The following DIP2C variants were observed in gnomAD, a reference collection of about 807,000 sequenced individuals.
DIP2C encodes disco-interacting protein 2 homolog C.
Under a neutral mutation model 192.4 loss-of-function variants are expected in DIP2C, and 33 were observed. The ratio of observed to expected loss-of-function variants is 0.17; its 90% CI spans 0.13 to 0.23. The LOEUF is 0.23. Among genes scored for constraint, DIP2C ranks in the 10% least tolerant of loss-of-function variants. The probability of loss-of-function intolerance (pLI) is 1.00; values close to 1 mark genes in which losing one functional copy is unlikely to be tolerated. For missense variants in DIP2C, 1,537 were observed against 2,110.1 expected (o/e 0.73, Z 5.32); for synonymous variants, 979 against 864.1 (o/e 1.13, Z -2.33).
At chr10:589,126 G>A (rs139913442) in intron 1 of DIP2C, among the ~76,000 whole-genome samples, 7 of 152,168 alleles carry the variant, frequency 4.6e-5, no homozygotes, top group Admixed American at 2.6e-4. Context: ...CACCCTCCCC[G>A]TCCTTCTCGA....
At chr10:599,639 A>G (rs1851929328) in intron 1 of DIP2C, among the ~76,000 whole-genome samples, 1 of 152,200 alleles carries the variant, frequency 6.6e-6, no homozygotes, top group African/African-American at 2.4e-5. Context: ...CCTTCCAGGT[A>G]ACCCAGCACC....
intron 1 of DIP2C, among the ~76,000 whole-genome samples, chr10:549,270 C>T (rs1848467194): frequency 6.6e-6 from 1 of 152,164 alleles, no homozygotes; most frequent in African/African-American, 2.4e-5. Flanking sequence ...TTGCCTCCAA[C>T]ACCCAGGAAA....
In DIP2C at chr10:357,875, T is replaced by C; in HGVS notation, c.2857A>G (p.Ser953Gly). The C allele has an allele frequency of 6.2e-7, 1 of 1,612,788 alleles. No individual in the cohort carries two copies. The highest frequency in any genetic ancestry group is 8.5e-7 in the Non-Finnish European group (1 of 1,179,922). ...LVSGKRIAQASGRDLGQIEDN... is the reference protein window; with the variant it reads ...LVSGKRIAQAGGRDLGQIEDN... Reference sequence around the variant, plus strand: ...TCGATCTGACCCAGGTCTCTGCCACTGGCCTGGGCGATTCTCTTCCCAGAG... The same window carrying C: ...TCGATCTGACCCAGGTCTCTGCCACCGGCCTGGGCGATTCTCTTCCCAGAG... Residue 953 changes from serine to glycine, a missense_variant, in exon 23 of 37, where the codon AGT becomes GGT. Around this residue, in one of 4 missense-constraint regions of DIP2C, gnomAD observed 677 missense variants for 989.9 expected, o/e 0.68. Transcript: ENST00000280886.
At chr10:362,234 G>C (rs1227177743) in intron 22 of DIP2C, among the ~76,000 whole-genome samples, 1 of 152,200 alleles carries the variant, frequency 6.6e-6, no homozygotes, top group Non-Finnish European at 1.5e-5. Context: ...TGCTACGGGA[G>C]AACAGAGCCA....
At chr10:612,702 G>A (rs998221504) in intron 1 of DIP2C, among the ~76,000 whole-genome samples, 8 of 152,138 alleles carry the variant, frequency 5.3e-5, no homozygotes, top group African/African-American at 9.6e-5. Flanking sequence ...TTACTCCGCC[G>A]ACTGTGTCTA....
At chr10:520,858 G>C (rs960346893) in intron 1 of DIP2C, among the ~76,000 whole-genome samples, 5 of 152,140 alleles carry the variant, frequency 3.3e-5, no homozygotes, top group African/African-American at 9.7e-5. Context: ...GCATGTTCAT[G>C]GATATGTGTT....
At position 376,310 on chromosome 10, in the gene DIP2C, C is replaced by A. The variant is rs574716841; in HGVS notation, c.1991+6337G>T. On this transcript the variant is annotated intron_variant, in intron 17 of 36. Coordinates refer to ENST00000280886, the MANE Select transcript of DIP2C (RefSeq NM_014974.3). ...CCACCTCGGCCCCCGACGGAGCCGG[C>A]AGGGAGAAGGACCCAGGCCCACCTC... Among the ~76,000 whole-genome samples the A allele has an allele frequency of 2.0e-5, 3 of 152,080 alleles. No individual in the cohort carries two copies. The East Asian group carries it at 5.8e-4, about 29-fold the overall frequency.
intron 19 of DIP2C, 119 bp downstream of exon 19, chr10:366,156 T>C (rs1294789205): frequency 2.1e-6 from 3 of 1,415,378 alleles, no homozygotes; most frequent in African/African-American, 1.4e-5. Flanking sequence ...TTTTCATTCA[T>C]ATAAACACGT....
At chr10:386,998 AAC>A (rs1028310033) in intron 14 of DIP2C, among the ~76,000 whole-genome samples, 11 of 152,144 alleles carry the variant, frequency 7.2e-5, no homozygotes, top group African/African-American at 2.4e-4. Context: ...GTTTCCCTAC[AAC>A]ACACACAGAC....
At chr10:555,389 C>A (rs1402090870) in intron 1 of DIP2C, among the ~76,000 whole-genome samples, 2 of 152,174 alleles carry the variant, frequency 1.3e-5, no homozygotes, top group Admixed American at 6.5e-5. Context: ...AACCGAACTT[C>A]ATTAACGGTG....
chr10:390,792 G>A lies in DIP2C; in HGVS notation c.1332C>T (p.Ala444=). The A allele has an allele frequency of 1.2e-6, 2 of 1,614,142 alleles. No homozygotes were observed. Among genetic ancestry groups the A allele is most frequent in the South Asian group, 2.2e-5 (2 of 91,080 alleles). ...CGVTVALTSD[A]CHKGLPKSPT... is the part of the protein sequence containing the mutation. ...GGCTTTTTGGAAGTCCTTTATGGCA[G>A]GCGTCACTAGTCAAGGCTACAGTAA... is the stretch of plus-strand genomic sequence containing the variant. The change falls in exon 11 of 37, where the codon GCC becomes GCT. Residue 444 remains alanine (A), a synonymous_variant. Coordinates refer to ENST00000280886, the MANE Select transcript of DIP2C (RefSeq NM_014974.3).
At chr10:534,701 G>A (rs1013317860) in intron 1 of DIP2C, among the ~76,000 whole-genome samples, 30 of 144,316 alleles carry the variant, frequency 2.1e-4, no homozygotes, top group East Asian at 1.2e-3. Flanking sequence ...ACGGAGTCTC[G>A]CTCTGTCGCC....
chr10:409,410 TCTC>T (rs1245014108), intron 8 of DIP2C, among the ~76,000 whole-genome samples: 2 of 151,980 alleles, frequency 1.3e-5, no homozygotes, highest in African/African-American at 4.8e-5. Context: ...CTGAGAACCT[TCTC>T]CTAGCAGATC....
At chr10:510,339 C>T (rs1845927825) in intron 1 of DIP2C, among the ~76,000 whole-genome samples, 1 of 152,212 alleles carries the variant, frequency 6.6e-6, no homozygotes, top group Admixed American at 6.5e-5. Context: ...CCTAGGGTCT[C>T]AGGGGCTGGG....
chr10:452,983 A>G (rs1968977961), intron 3 of DIP2C, among the ~76,000 whole-genome samples: 1 of 152,238 alleles, frequency 6.6e-6, no homozygotes, highest in South Asian at 2.1e-4. Context: ...ACAGTGCTGG[A>G]AAGGGTATGA....
chr10:535,051 G>C (rs1847621649), intron 1 of DIP2C, among the ~76,000 whole-genome samples: 1 of 152,182 alleles, frequency 6.6e-6, no homozygotes, highest in Admixed American at 6.5e-5. Context: ...CCTGGGTTGA[G>C]GGGAGGCAGG....
rs541502358 is a variant in DIP2C, at chr10:312,795, A to G, written c.3925-2703T>C. 7.9e-5 allele frequency among the ~76,000 whole-genome samples: 12 copies of G among 152,344 alleles called. No homozygotes were observed. In the South Asian group the frequency reaches 2.5e-3, roughly 32 times the overall value. On this transcript the variant is annotated intron_variant, in intron 31 of 36. Coordinates refer to ENST00000280886, the MANE Select transcript of DIP2C (RefSeq NM_014974.3). ...AACACATAGTGGACCTTTACTGAAT[A>G]TATTTGAGCTGAATGCAATGATTTA...
chr10:613,607 TTGGGA>T (rs1243161820), intron 1 of DIP2C, among the ~76,000 whole-genome samples: 1 of 152,236 alleles, frequency 6.6e-6, no homozygotes, highest in Non-Finnish European at 1.5e-5. Flanking sequence ...TTCATGGTAA[TTGGGA>T]TGGGGACTTA....
chr10:442,539 T>C (rs1181695844), intron 3 of DIP2C, among the ~76,000 whole-genome samples: 1 of 152,280 alleles, frequency 6.6e-6, no homozygotes, highest in African/African-American at 2.4e-5. Context: ...CATTTTAAAC[T>C]TTTTGGATAT....
Sources: gnomAD v4.1 joint callset for allele counts (sites outside exome capture counted in the v4.1 genomes callset) on GRCh38, gnomAD v4.1.1 for gene constraint, gnomAD v4.1.1 regional missense constraint, MANE v1.5 for transcripts, NCBI Gene and HGNC (gene_info 2026-07-23, HGNC 2026-07-21) for gene names.